Variants in TIAM2 observed in about 807,000 individuals in gnomAD.
TIAM2 encodes TIAM Rac1 associated GEF 2, also known as rho guanine nucleotide exchange factor TIAM2.
In TIAM2, 80 loss-of-function variants were observed where a neutral mutation model predicts 152.9. That is an observed-to-expected ratio of 0.52 (90% confidence interval 0.44 to 0.63). The LOEUF is 0.63. TIAM2 is among the 30% of genes least tolerant of loss of function. The pLI, the probability that TIAM2 is intolerant of heterozygous loss-of-function variation, is 0.00. For synonymous variants in TIAM2, 804 were observed against 838.0 expected, an observed-to-expected ratio of 0.96 and a Z score of 0.70; for missense variants, 1,965 against 2,120.1, an observed-to-expected ratio of 0.93 and a Z score of 1.44.
chr6:155,202,164 T>C (rs1343446459), intron 14 of TIAM2, among the ~76,000 whole-genome samples: 3 of 152,252 alleles, frequency 2.0e-5, no homozygotes, highest in African/African-American at 4.8e-5. Flanking sequence ...CACCTTTGAA[T>C]GTGGTCAACT....
chr6:155,049,835 A>C (rs536679353), intron 1 of TIAM2, among the ~76,000 whole-genome samples: 1 of 152,292 alleles, frequency 6.6e-6, no homozygotes, highest in African/African-American at 2.4e-5. Context: ...AGTTATAGGC[A>C]AAAATGTATC....
intron 1 of TIAM2, among the ~76,000 whole-genome samples, chr6:155,029,196 G>GTATGTACTATGTGTTATATACACTA (rs1776732043): frequency 1.4e-4 from 2 of 14,022 alleles, no homozygotes; most frequent in African/African-American, 3.0e-4. Context: ...TATATACACT[G>GTATGTACTATGTGTTATATACACTA]TATGTACTAT....
At chr6:155,233,558 C>T (rs149505254) in intron 15 of TIAM2, among the ~76,000 whole-genome samples, 1 of 152,278 alleles carries the variant, frequency 6.6e-6, no homozygotes, top group East Asian at 1.9e-4. Context: ...TACATTAAAA[C>T]ACAAATAACT....
chr6:155,137,353 C>A lies in TIAM2; in HGVS notation c.1371C>A (p.Asn457Lys). 1.9e-6 allele frequency: 3 copies of A among 1,614,214 alleles called. No homozygotes were observed. Among genetic ancestry groups the A allele is most frequent in the Non-Finnish European group, 2.5e-6 (3 of 1,180,044 alleles). Residue 457 changes from asparagine (N) to lysine (K), a missense_variant, in exon 5 of 27, where the codon AAC (asparagine) becomes AAA (lysine). By Grantham distance (94) the Asn-to-Lys change is moderately conservative. Coordinates refer to ENST00000682666, the MANE Select transcript of TIAM2 (RefSeq NM_012454.4). ...TTGGCAGCGATCCCCTCCGGCAGAA[C>A]ATTTATGAGAATTTCATGCGAGAGT... ...HAIGSDPLRQ[N>K]IYENFMRELE...
chr6:155,197,330 C>A (rs1167854479), intron 14 of TIAM2, among the ~76,000 whole-genome samples: 1 of 152,172 alleles, frequency 6.6e-6, no homozygotes, highest in Non-Finnish European at 1.5e-5. Context: ...GTTTAGGCAT[C>A]TTCGCATAGC....
At chr6:155,028,656 A>AATATATATACTGTGTTATATATATACTAC (rs1562294499) in intron 1 of TIAM2, among the ~76,000 whole-genome samples, 9 of 131,124 alleles carry the variant, frequency 6.9e-5, no homozygotes, top group East Asian at 4.2e-4. Context: ...TACTACATAT[A>AATATATATACTGTGTTATATATATACTAC]ATATATATAC....
chr6:155,102,255 G>T (rs1778568307), intron 2 of TIAM2, among the ~76,000 whole-genome samples: 1 of 152,206 alleles, frequency 6.6e-6, no homozygotes, highest in Admixed American at 6.5e-5. Context: ...CTCCCAAAGT[G>T]CTGGGATTAC....
In TIAM2 at chr6:155,111,290, T is replaced by A. The variant is rs186935769; in HGVS notation, c.-117-16200T>A. On this transcript the variant is annotated intron_variant, in intron 2 of 26. Transcript: ENST00000682666. Reference sequence around the variant, plus strand: ...CGCTTCATGGAAAGTGTCCATATATTCTTGGAATACACACACACACACACA... The same window carrying A: ...CGCTTCATGGAAAGTGTCCATATATACTTGGAATACACACACACACACACA... 1.8e-4 allele frequency among the ~76,000 whole-genome samples: 26 copies of A among 143,602 alleles called. 2 individuals carry two copies. The East Asian group carries it at 5.1e-3, about 28-fold the overall frequency. 94.2% of individuals were successfully genotyped at this position (143,602 alleles called of 152,430 possible).
chr6:155,243,651 A>G (rs541245275), intron 16 of TIAM2, among the ~76,000 whole-genome samples: 1 of 152,058 alleles, frequency 6.6e-6, no homozygotes, highest in Admixed American at 6.5e-5. Context: ...GTTCGAGACC[A>G]GCCTGACCAA....
At chr6:155,134,614 G>A (rs1779517567) in intron 4 of TIAM2, among the ~76,000 whole-genome samples, 1 of 152,122 alleles carries the variant, frequency 6.6e-6, no homozygotes, top group Non-Finnish European at 1.5e-5. Context: ...GTTTTTGGGC[G>A]ATGAGTCAGA....
chr6:155,157,195 G>A (rs1296575536), intron 7 of TIAM2, among the ~76,000 whole-genome samples: 1 of 152,174 alleles, frequency 6.6e-6, no homozygotes, highest in Non-Finnish European at 1.5e-5. Flanking sequence ...AGGAAACAGA[G>A]ATCTTCTCTG....
chr6:155,065,961 G>T (rs1026357063), intron 1 of TIAM2, among the ~76,000 whole-genome samples: 1 of 152,106 alleles, frequency 6.6e-6, no homozygotes, highest in Admixed American at 6.5e-5. Context: ...TTAGTATTTG[G>T]AGGTATTTGG....
At chr6:155,045,329 TG>T (rs1444434637) in intron 1 of TIAM2, among the ~76,000 whole-genome samples, 3 of 152,140 alleles carry the variant, frequency 2.0e-5, no homozygotes, top group Admixed American at 2.0e-4. Context: ...CCCAAAATGC[TG>T]GGATTACAGG....
chr6:155,195,272 A>G (rs1781312940), intron 14 of TIAM2, among the ~76,000 whole-genome samples: 1 of 152,200 alleles, frequency 6.6e-6, no homozygotes. Flanking sequence ...CAAGGTGGAA[A>G]ATGAACTTCT....
chr6:155,147,224 C>A (rs1330050689), intron 6 of TIAM2, among the ~76,000 whole-genome samples: 3 of 136,294 alleles, frequency 2.2e-5, no homozygotes, highest in African/African-American at 8.2e-5. Context: ...AATTTTATAT[C>A]CAGGTTTCAA....
rs1167789140 is a variant in TIAM2 at position 155,182,301 on chromosome 6, G to T, written c.2783G>T (p.Gly928Val). The change falls in exon 13 of 27, where the codon GGC becomes GTC. Residue 928 changes from glycine to valine, a missense_variant. Transcript: ENST00000682666. ...TTTATAAGCGACGTTCTTCCCGATG[G>T]CCTGGCGTATGGGGAAGGTCCGTGT... The part of the protein sequence containing the change: ...RIFISDVLPD[G>V]LAYGEGLRKG... 6.2e-7 allele frequency: 1 copy of T among 1,613,984 alleles called. No homozygotes were observed. The highest frequency in any genetic ancestry group is 1.3e-5 in the African/African-American group (1 of 74,940).
chr6:155,148,128 C>A lies in TIAM2; in HGVS notation c.1822C>A (p.Leu608Ile). 6.2e-7 allele frequency: 1 copy of A among 1,613,916 alleles called. No homozygotes were observed. The highest frequency in any genetic ancestry group is 1.1e-5 in the South Asian group (1 of 91,060). The change falls in exon 7 of 27, where the codon CTA becomes ATA. Residue 608 changes from leucine (L) to isoleucine (I), a missense_variant. Leu to Ile is a conservative substitution (Grantham distance 5). Around this residue, in one of 3 missense-constraint regions of TIAM2, gnomAD observed 1,025 missense variants for 1,119.4 expected, o/e 0.92. Coordinates refer to ENST00000682666, the MANE Select transcript of TIAM2 (RefSeq NM_012454.4). ...YLFQATSQTD[L>I]ENWVTAVHSA... ...TGTGTAGGCCACCAGCCAGACAGAT[C>A]TAGAAAACTGGGTCACTGCTGTACA...
intron 1 of TIAM2, among the ~76,000 whole-genome samples, chr6:155,037,944 G>A (rs1474471860): frequency 6.6e-6 from 1 of 152,118 alleles, no homozygotes; most frequent in African/African-American, 2.4e-5. Flanking sequence ...GGAGTACCTG[G>A]TCGACCCTAA....
At chr6:155,002,958 T>C (rs1429191253) in intron 1 of TIAM2, among the ~76,000 whole-genome samples, 1 of 152,052 alleles carries the variant, frequency 6.6e-6, no homozygotes, top group East Asian at 1.9e-4. Context: ...CCTCCCAAAG[T>C]GTTGGGATTA....
Sources: gnomAD v4.1 joint callset for allele counts (sites outside exome capture counted in the v4.1 genomes callset) on GRCh38, gnomAD v4.1.1 for gene constraint, gnomAD v4.1.1 regional missense constraint, MANE v1.5 for transcripts, NCBI Gene and HGNC (gene_info 2026-07-23, HGNC 2026-07-21) for gene names.